The following PGAM1 variants were observed in gnomAD, a reference collection of about 807,000 sequenced individuals.
PGAM1 encodes phosphoglycerate mutase 1.
PGAM1 carries 21 observed loss-of-function variants against 23.5 expected under a neutral mutation model. The observed-to-expected ratio is 0.89, with a 90% CI of 0.63 to 1.29. The LOEUF (loss-of-function observed/expected upper bound fraction) is 1.29, where lower values mean the gene tolerates loss of function less well. PGAM1 is among the 50% of genes most tolerant of loss of function. The pLI is 0.00. For synonymous variants in PGAM1, 109 were observed against 128.6 expected, an observed-to-expected ratio of 0.85 and a Z score of 1.03; for missense variants, 232 against 336.3, an observed-to-expected ratio of 0.69 and a Z score of 2.42.
At chr10:97,426,522 C>T (rs1381590790) in intron 1 of PGAM1, 76 bp downstream of exon 1, 17 of 1,476,014 alleles carry the variant, frequency 1.2e-5, no homozygotes, top group Admixed American at 2.6e-5. Context: ...CGTCTGCGCC[C>T]TCTCGGAGAG....
At position 97,432,533 on chromosome 10, in the gene PGAM1, G is replaced by A. The variant is rs764581913; in HGVS notation, c.*9G>A. 230 of 1,565,318 alleles carry A rather than the reference G, an allele frequency of 1.5e-4. No individual in the cohort carries two copies. The highest frequency in any genetic ancestry group is 2.3e-4 in the Middle Eastern group (1 of 4,370). On this transcript the variant is annotated 3_prime_UTR_variant, in exon 4 of 4. Transcript: ENST00000334828. ...GCAAGGCCAAGAAGTGAAGGCCGGC[G>A]GGGAGGATACTGTCCCCAGGAGCAC...
rs1341236602 is a variant in PGAM1, at chr10:97,431,013, A to G, written c.473A>G (p.Asp158Gly). The G allele has an allele frequency of 1.9e-6, 3 of 1,614,018 alleles. No individual in the cohort carries two copies. The highest frequency in any genetic ancestry group is 1.3e-5 in the African/African-American group (1 of 75,032). The change falls in exon 3 of 4, where the codon GAT becomes GGT. Residue 158 changes from aspartate (D) to glycine (G), a missense_variant. Asp to Gly is a moderately conservative substitution (Grantham distance 94). Transcript: ENST00000334828. ...CTACCCTCCTGTGAGAGTCTGAAGG[A>G]TACTATTGCCAGAGCTCTGCCCTTC... Reference protein sequence around the residue: ...DQLPSCESLKDTIARALPFWN... With the variant: ...DQLPSCESLKGTIARALPFWN...
chr10:97,432,235 C>T (rs1589457297), intron 3 of PGAM1, 120 bp from the exon 4 acceptor site: 15 of 1,348,020 alleles, frequency 1.1e-5, no homozygotes, highest in Admixed American at 8.4e-5. Context: ...CTATAAAGAT[C>T]AGAAAGGGTG....
chr10:97,431,019 T>G lies in PGAM1; in HGVS notation c.479T>G (p.Ile160Ser), dbSNP rs1482820508. ...TCCTGTGAGAGTCTGAAGGATACTA[T>G]TGCCAGAGCTCTGCCCTTCTGGAAT... ...LPSCESLKDT[I>S]ARALPFWNEE... Residue 160 changes from isoleucine to serine, a missense_variant, in exon 3 of 4, where the codon ATT becomes AGT. Ile to Ser is a moderately radical substitution (Grantham distance 142). Transcript: ENST00000334828. 4.3e-6 allele frequency: 7 copies of G among 1,613,926 alleles called. No individual in the cohort carries two copies. In the African/African-American group the frequency reaches 5.3e-5, roughly 12 times the overall value.
rs1845486913 is a variant in PGAM1, at chr10:97,432,881, CAG to C, written c.*360_*361del. The C allele has an allele frequency of 3.8e-6, 1 of 260,842 alleles. No homozygotes were observed. 16.2% of individuals were successfully genotyped at this position (260,842 alleles called of 1,614,324 possible). On this transcript the variant is annotated 3_prime_UTR_variant, in exon 4 of 4. Transcript: ENST00000334828. The stretch of plus-strand genomic sequence containing the variant: ...AGCCATGACCAGTGAGGAGAAGCAA[CAG>C]AGCCTGTCTGTCCCCATGAGCGGAG...
rs769436239 is a variant in PGAM1, at chr10:97,426,401, C to T, written c.94C>T (p.Pro32Ser). ...CGGCTGGTACGACGCCGACCTGAGC[C>T]CGGCGGGCCACGAGGAGGCGAAGCG... ...FSGWYDADLS[P>S]AGHEEAKRGG... is the part of the protein sequence containing the mutation. Residue 32 changes from proline to serine, a missense_variant, in exon 1 of 4, where the codon CCG becomes TCG. By Grantham distance (74) the Pro-to-Ser change is moderately conservative. Coordinates refer to ENST00000334828, the MANE Select transcript of PGAM1 (RefSeq NM_002629.4). 2 of 1,605,680 alleles carry T rather than the reference C, an allele frequency of 1.2e-6. No individual in the cohort carries two copies. The highest frequency in any genetic ancestry group is 1.1e-5 in the South Asian group (1 of 90,556).
chr10:97,429,900 G>A (rs1216541114), intron 1 of PGAM1, among the ~76,000 whole-genome samples: 1 of 152,062 alleles, frequency 6.6e-6, no homozygotes, highest in Non-Finnish European at 1.5e-5. Flanking sequence ...ACAAAAATTA[G>A]CTGGATATGG....
chr10:97,429,398 C>T (rs11189219), intron 1 of PGAM1, among the ~76,000 whole-genome samples: 7,335 of 152,230 alleles, frequency 0.048, 234 homozygotes, highest in Non-Finnish European at 0.068. Flanking sequence ...GCCACCGTGC[C>T]GGGCCAAGAC....
At position 97,426,364 on chromosome 10, in the gene PGAM1, G is replaced by C. The variant is rs1179347811; in HGVS notation, c.57G>C (p.Glu19Asp). 6.2e-7 allele frequency: 1 copy of C among 1,609,742 alleles called. No homozygotes were observed. The highest frequency in any genetic ancestry group is 8.5e-7 in the Non-Finnish European group (1 of 1,178,786). ...ACGGCGAGAGCGCATGGAACCTGGA[G>C]AACCGCTTCAGCGGCTGGTACGACG... ...IRHGESAWNL[E>D]NRFSGWYDAD... The change falls in exon 1 of 4, where the codon GAG (glutamate) becomes GAC (aspartate). Residue 19 changes from glutamate (E) to aspartate (D), a missense_variant. Physicochemically the swap from Glu to Asp is conservative, Grantham distance 45. Around this residue, in one of 3 missense-constraint regions of PGAM1, gnomAD observed 38 missense variants for 77.1 expected, o/e 0.49. Coordinates refer to ENST00000334828, the MANE Select transcript of PGAM1 (RefSeq NM_002629.4).
Position 97,430,483 on chromosome 10 carries a change from G to C in PGAM1, c.244G>C (p.Val82Leu). ...DAIDQMWLPVVRTWRLNERHY... is the reference protein window; with the variant it reads ...DAIDQMWLPVLRTWRLNERHY... ...CATTGATCAGATGTGGCTGCCAGTG[G>C]TGAGGACTTGGCGCCTCAATGAGCG... Residue 82 changes from valine to leucine, a missense_variant, in exon 2 of 4, where the codon GTG becomes CTG. Val to Leu is a conservative substitution (Grantham distance 32). Around this residue, in one of 3 missense-constraint regions of PGAM1, gnomAD observed 191 missense variants for 241.7 expected, o/e 0.79. Coordinates refer to ENST00000334828, the MANE Select transcript of PGAM1 (RefSeq NM_002629.4). 1.9e-6 allele frequency: 3 copies of C among 1,603,422 alleles called. No homozygotes were observed. The highest frequency in any genetic ancestry group is 1.7e-6 in the Non-Finnish European group (2 of 1,179,576).
In PGAM1 at chr10:97,426,352, A is replaced by G. The variant is rs564150081; in HGVS notation, c.45A>G (p.Ala15=). 1 of 1,610,194 alleles carries G rather than the reference A, an allele frequency of 6.2e-7. No individual in the cohort carries two copies. The highest frequency in any genetic ancestry group is 1.1e-5 in the South Asian group (1 of 90,918). Residue 15 remains alanine, a synonymous_variant, in exon 1 of 4, where the codon GCA becomes GCG. Coordinates refer to ENST00000334828, the MANE Select transcript of PGAM1 (RefSeq NM_002629.4). ...KLVLIRHGES[A]WNLENRFSGW... Reference sequence around the variant, plus strand: ...TGCTGATCCGGCACGGCGAGAGCGCATGGAACCTGGAGAACCGCTTCAGCG... The same window carrying G: ...TGCTGATCCGGCACGGCGAGAGCGCGTGGAACCTGGAGAACCGCTTCAGCG...
Position 97,426,347 on chromosome 10 carries a change from A to C in PGAM1, c.40A>C (p.Ser14Arg), listed in dbSNP as rs924565378. 1.9e-6 allele frequency: 3 copies of C among 1,610,258 alleles called. No individual in the cohort carries two copies. The Admixed American group carries it at 5.0e-5, about 27-fold the overall frequency. ...ACTGGTGCTGATCCGGCACGGCGAGAGCGCATGGAACCTGGAGAACCGCTT... is the reference window on the plus strand; with the variant it reads ...ACTGGTGCTGATCCGGCACGGCGAGCGCGCATGGAACCTGGAGAACCGCTT... Reference protein sequence around the residue: ...YKLVLIRHGESAWNLENRFSG... With the variant: ...YKLVLIRHGERAWNLENRFSG... The change falls in exon 1 of 4, where the codon AGC becomes CGC. Residue 14 changes from serine (S) to arginine (R), a missense_variant. Ser to Arg is a moderately radical substitution (Grantham distance 110). Coordinates refer to ENST00000334828, the MANE Select transcript of PGAM1 (RefSeq NM_002629.4).
intron 1 of PGAM1, 130 bp downstream of exon 1, chr10:97,426,576 A>G: frequency 8.3e-7 from 1 of 1,208,708 alleles, no homozygotes; most frequent in Non-Finnish European, 1.1e-6. Context: ...TTTAGTGTGT[A>G]GTTGAGAAGA....
Position 97,432,438 on chromosome 10 carries a change from A to G in PGAM1, c.679A>G (p.Ile227Val), listed in dbSNP as rs1341416076. 16 of 1,610,994 alleles carry G rather than the reference A, an allele frequency of 9.9e-6. No homozygotes were observed. The highest frequency in any genetic ancestry group is 4.5e-4 in the Middle Eastern group (2 of 4,458). The change falls in exon 4 of 4, where the codon ATC becomes GTC. Residue 227 changes from isoleucine to valine, a missense_variant. By Grantham distance (29) the Ile-to-Val change is conservative. This residue lies in a region of PGAM1 where 191 missense variants were observed against 241.7 expected (regional missense o/e 0.79). Transcript: ENST00000334828. ...VYELDKNLKP[I>V]KPMQFLGDEE... The stretch of plus-strand genomic sequence containing the variant: ...TGAATTGGACAAGAACTTGAAGCCT[A>G]TCAAGCCCATGCAGTTTCTGGGGGA...
At chr10:97,428,782 CTT>C (rs914797153) in intron 1 of PGAM1, among the ~76,000 whole-genome samples, 2 of 152,106 alleles carry the variant, frequency 1.3e-5, no homozygotes, top group Non-Finnish European at 2.9e-5. Context: ...TGTTTTTTCT[CTT>C]GTGGGTGGTG....
In PGAM1 at chr10:97,426,452, G is replaced by T; in HGVS notation, c.139+6G>T. 6.3e-7 allele frequency: 1 copy of T among 1,593,042 alleles called. No individual in the cohort carries two copies. Among genetic ancestry groups the T allele is most frequent in the Admixed American group, 1.8e-5 (1 of 56,822 alleles). ...CGGCGGGCAGGCGCTACGAGGTGCG[G>T]AGGGGCCGGGTGTGGGCTGCGAAGG... is the stretch of plus-strand genomic sequence containing the variant. On this transcript the variant is annotated splice_donor_region_variant and intron_variant, in intron 1 of 3. Coordinates refer to ENST00000334828, the MANE Select transcript of PGAM1 (RefSeq NM_002629.4).
intron 1 of PGAM1, chr10:97,427,475 T>C (rs1845423131): frequency 9.7e-7 from 1 of 1,025,662 alleles, no homozygotes; most frequent in African/African-American, 1.7e-5. Context: ...CCCTTTATAG[T>C]TGGGAAAAGT....
chr10:97,427,796 A>T (rs1564782960), intron 1 of PGAM1: 1 of 1,289,330 alleles, frequency 7.8e-7, no homozygotes, highest in Non-Finnish European at 1.0e-6. Flanking sequence ...CTCCCTTCTA[A>T]CCTCTGGACA....
intron 1 of PGAM1, chr10:97,427,768 G>A (rs561276450): frequency 1.6e-6 from 2 of 1,286,812 alleles, no homozygotes; most frequent in Non-Finnish European, 2.0e-6. Context: ...GCTGATGATA[G>A]GGGCAGATCC....
Sources: allele counts gnomAD v4.1 joint callset (sites outside exome capture counted in the v4.1 genomes callset), GRCh38; gene constraint gnomAD v4.1.1; regional missense constraint gnomAD v4.1.1; transcripts MANE v1.5; gene names NCBI Gene and HGNC (gene_info 2026-07-23, HGNC 2026-07-21).